The following RIMBP2 variants were observed in gnomAD, a reference collection of about 807,000 sequenced individuals.
RIMBP2 encodes the protein RIMS binding protein 2.
Under a neutral mutation model 118.6 loss-of-function variants are expected in RIMBP2, and 48 were observed. That is an observed-to-expected ratio of 0.40 (90% CI 0.32 to 0.51). RIMBP2 has a LOEUF of 0.51. Among genes scored for constraint, RIMBP2 ranks in the 20% least tolerant of loss-of-function variants. The pLI is 0.41. For synonymous variants in RIMBP2, 762 were observed against 742.9 expected, an observed-to-expected ratio of 1.03 and a Z score of -0.42; for missense variants, 1,551 against 1,768.3, an observed-to-expected ratio of 0.88 and a Z score of 2.20.
chr12:130,708,960 C>T (rs1949697058), intron 1 of RIMBP2, among the ~76,000 whole-genome samples: 2 of 152,186 alleles, frequency 1.3e-5, no homozygotes, highest in Non-Finnish European at 2.9e-5. Context: ...CTTCAGAGAG[C>T]CCCTCCATCT....
chr12:130,544,242 C>T (rs922661436), intron 2 of RIMBP2, among the ~76,000 whole-genome samples: 1 of 152,208 alleles, frequency 6.6e-6, no homozygotes, highest in African/African-American at 2.4e-5. Flanking sequence ...GGAAGAGATG[C>T]CTCTGCAATA....
At chr12:130,662,187 C>A (rs2063693172) in intron 1 of RIMBP2, among the ~76,000 whole-genome samples, 1 of 151,896 alleles carries the variant, frequency 6.6e-6, no homozygotes, top group Non-Finnish European at 1.5e-5. Flanking sequence ...ACCCTCAATC[C>A]AGCCAGTAGC....
Position 130,525,976 on chromosome 12 carries a change from T to A in RIMBP2, c.-216-8059A>T, listed in dbSNP as rs1218218639. Among the ~76,000 whole-genome samples the A allele has an allele frequency of 6.6e-6, 1 of 151,894 alleles. No individual in the cohort carries two copies. Among genetic ancestry groups the A allele is most frequent in the Non-Finnish European group, 1.5e-5 (1 of 67,974 alleles). On this transcript the variant is annotated intron_variant, in intron 2 of 22. Coordinates refer to ENST00000690449, the MANE Select transcript of RIMBP2 (RefSeq NM_001393629.1). This position sits in a 1 kb window ranked among gnomAD's most constrained non-coding sequence, Gnocchi z 4.4. ...AAGCCCGGGCTGTGCAGCTGTCAGGTTTGAGACCCCCTCCTCCCTGCCCCA... is the reference window on the plus strand; with the variant it reads ...AAGCCCGGGCTGTGCAGCTGTCAGGATTGAGACCCCCTCCTCCCTGCCCCA...
chr12:130,583,974 C>T (rs914723087), intron 2 of RIMBP2, among the ~76,000 whole-genome samples: 1 of 150,894 alleles, frequency 6.6e-6, no homozygotes, highest in African/African-American at 2.4e-5. Context: ...ACCACCAACA[C>T]ATCATCATCA....
At chr12:130,522,587 C>T (rs929715175) in intron 2 of RIMBP2, among the ~76,000 whole-genome samples, 4 of 152,192 alleles carry the variant, frequency 2.6e-5, no homozygotes, top group African/African-American at 9.7e-5. Flanking sequence ...CATCTACAGG[C>T]GGAATTCGAC....
chr12:130,592,251 G>A (rs1566325157), intron 2 of RIMBP2, among the ~76,000 whole-genome samples: 1 of 152,212 alleles, frequency 6.6e-6, no homozygotes, highest in Non-Finnish European at 1.5e-5. Flanking sequence ...CATCAGCCCT[G>A]GCGGGTGTTT....
chr12:130,617,896 G>A lies in RIMBP2; in HGVS notation c.-217+10426C>T, dbSNP rs1271820000. ...TCTCTTTAGAACTGGGAGATTCTTA[G>A]AAACATCTAACTCGGCCGGGTGTGG... On this transcript the variant is annotated intron_variant, in intron 2 of 22. Transcript: ENST00000690449. This position sits in a 1 kb window ranked among gnomAD's most constrained non-coding sequence, Gnocchi z 4.6. Among the ~76,000 whole-genome samples, 2 of 151,982 alleles carry A rather than the reference G, an allele frequency of 1.3e-5. No individual in the cohort carries two copies. Among genetic ancestry groups the A allele is most frequent in the Non-Finnish European group, 2.9e-5 (2 of 67,968 alleles).
intron 1 of RIMBP2, among the ~76,000 whole-genome samples, chr12:130,713,260 AGGAAGGAAG>A (rs1950087242): frequency 7.3e-6 from 1 of 137,742 alleles, no homozygotes; most frequent in Non-Finnish European, 1.6e-5. Context: ...GAAGGAAGGA[AGGAAGGAAG>A]GAAGGACTGA....
chr12:130,463,320 G>A (rs891504235), intron 6 of RIMBP2, among the ~76,000 whole-genome samples: 2 of 152,230 alleles, frequency 1.3e-5, no homozygotes, highest in African/African-American at 4.8e-5. Context: ...GAGGCCACCT[G>A]CTCGGCGCTA....
At chr12:130,493,347 C>T (rs2048823669) in intron 4 of RIMBP2, among the ~76,000 whole-genome samples, 1 of 152,018 alleles carries the variant, frequency 6.6e-6, no homozygotes, top group South Asian at 2.1e-4. Context: ...TGGAATCTCG[C>T]TCTGTTGCCC....
intron 1 of RIMBP2, among the ~76,000 whole-genome samples, chr12:130,642,248 G>A (rs920106844): frequency 6.6e-6 from 1 of 151,746 alleles, no homozygotes; most frequent in South Asian, 2.1e-4. Context: ...AGAGGCCCTG[G>A]CTCCGGCTGG....
At chr12:130,414,410 T>C in intron 17 of RIMBP2, 104 bp from the exon 18 acceptor site, 1 of 1,196,182 alleles carries the variant, frequency 8.4e-7, no homozygotes, top group Non-Finnish European at 1.2e-6. Flanking sequence ...AGCGGTTCCT[T>C]GACTTTTGTC....
intron 2 of RIMBP2, among the ~76,000 whole-genome samples, 153 bp downstream of exon 2, chr12:130,628,169 G>A (rs2061763498): frequency 6.6e-6 from 1 of 152,164 alleles, no homozygotes; most frequent in Non-Finnish European, 1.5e-5. Flanking sequence ...GAACACATCT[G>A]CTCTGTTTAC....
Position 130,664,420 on chromosome 12 carries a change from C to T in RIMBP2, c.-351-35964G>A, listed in dbSNP as rs11829152. Among the ~76,000 whole-genome samples, 5 of 104,772 alleles carry T rather than the reference C, an allele frequency of 4.8e-5. 1 individual carries two copies. The highest frequency in any genetic ancestry group is 5.2e-4 in the East Asian group (2 of 3,862). The allele number at this position is 104,772 out of a possible 152,430, so 68.7% of individuals were successfully genotyped here. ...ACACGCACGCACGCACGCACACACA[C>T]GCACACACATGCATGCACGCACACA... is the stretch of plus-strand genomic sequence containing the variant. On this transcript the variant is annotated intron_variant, in intron 1 of 22. Coordinates refer to ENST00000690449, the MANE Select transcript of RIMBP2 (RefSeq NM_001393629.1).
chr12:130,474,153 A>G (rs1363596976), intron 5 of RIMBP2, among the ~76,000 whole-genome samples: 1 of 152,194 alleles, frequency 6.6e-6, no homozygotes, highest in East Asian at 1.9e-4. Context: ...AGGAAGCCTC[A>G]GGGTTTCAGA....
chr12:130,535,760 T>TACACATATACATGTAC (rs1566218352), intron 2 of RIMBP2, among the ~76,000 whole-genome samples: 1 of 51,198 alleles, frequency 2.0e-5, no homozygotes, highest in African/African-American at 5.4e-5. Context: ...TATATATATA[T>TACACATATACATGTAC]ATATATATAT....
rs1216305873 is a variant in RIMBP2, at chr12:130,424,602, C to A, written c.2669G>T (p.Gly890Val). The A allele has an allele frequency of 8.1e-7, 1 of 1,231,840 alleles. No individual in the cohort carries two copies. Among genetic ancestry groups the A allele is most frequent in the Non-Finnish European group, 1.0e-6 (1 of 987,840 alleles). The allele number at this position is 1,231,840 out of a possible 1,614,324, so 76.3% of individuals were successfully genotyped here. Residue 890 changes from glycine (G) to valine (V), a missense_variant, in exon 16 of 23, where the codon GGC becomes GTC. This residue lies in a region of RIMBP2 where 1,038 missense variants were observed against 1,125.1 expected (regional missense o/e 0.92). Coordinates refer to ENST00000690449, the MANE Select transcript of RIMBP2 (RefSeq NM_001393629.1). This position sits in a 1 kb window ranked among gnomAD's most constrained non-coding sequence, Gnocchi z 9.8. ...RGSWFPVKHRGSGAVPHVEDF... is the reference protein window; with the variant it reads ...RGSWFPVKHRVSGAVPHVEDF... ...CTCCACGTGGGGGACGGCCCCCGAG[C>A]CCCTGTGCTTCACCGGGAACCAGGA... is the stretch of plus-strand genomic sequence containing the variant.
At chr12:130,633,592 T>C (rs1176393716) in intron 1 of RIMBP2, among the ~76,000 whole-genome samples, 1 of 152,024 alleles carries the variant, frequency 6.6e-6, no homozygotes, top group African/African-American at 2.4e-5. Context: ...GTAGTAACAG[T>C]GATTTGAGCC....
chr12:130,615,690 C>T (rs2060887811), intron 2 of RIMBP2, among the ~76,000 whole-genome samples: 1 of 152,016 alleles, frequency 6.6e-6, no homozygotes, highest in African/African-American at 2.4e-5. Context: ...TGATTATAGA[C>T]AGGGAGAAAG....
Sources: allele counts gnomAD v4.1 joint callset (sites outside exome capture counted in the v4.1 genomes callset), GRCh38; gene constraint gnomAD v4.1.1; regional missense constraint gnomAD v4.1.1; non-coding constraint Gnocchi (gnomAD v3.1); transcripts MANE v1.5; gene names NCBI Gene and HGNC (gene_info 2026-07-23, HGNC 2026-07-21).